Variants in ALMS1 observed in about 807,000 individuals in gnomAD.
ALMS1 encodes centrosome-associated protein ALMS1.
A neutral mutation model predicts 352.2 loss-of-function variants in ALMS1; 271 were observed. That is an observed-to-expected ratio of 0.77 (90% confidence interval 0.70 to 0.85). The LOEUF (loss-of-function observed/expected upper bound fraction) is 0.85, where lower values mean the gene tolerates loss of function less well. Among genes scored for constraint, ALMS1 ranks in the 40% least tolerant of loss-of-function variants. ALMS1 has a pLI of 0.00. For missense variants in ALMS1, 5,445 were observed against 4,870.7 expected (o/e 1.12, Z -3.51); for synonymous variants, 1,865 against 1,761.2 (o/e 1.06, Z -1.48).
intron 9 of ALMS1, among the ~76,000 whole-genome samples, chr2:73,479,467 A>G (rs1382232164): frequency 1.1e-4 from 16 of 152,234 alleles, no homozygotes. Flanking sequence ...ATAAATGATA[A>G]CATATAGTAT....
Position 73,483,644 on chromosome 2 carries a change from C to T in ALMS1, c.7675-5990C>T, listed in dbSNP as rs1462654458. ...GGGTATCCTTGTTGACTTTCTGTCT[C>T]GTTGATCTGTCTAATGTTGACAGTG... On this transcript the variant is annotated intron_variant, in intron 9 of 22. Coordinates refer to ENST00000613296, the MANE Select transcript of ALMS1 (RefSeq NM_001378454.1). 4.0e-5 allele frequency among the ~76,000 whole-genome samples: 6 copies of T among 151,388 alleles called. No individual in the cohort carries two copies. The East Asian group carries it at 7.7e-4, about 20-fold the overall frequency.
At chr2:73,570,608 T>C (rs539406427) in intron 15 of ALMS1, among the ~76,000 whole-genome samples, 2 of 152,098 alleles carry the variant, frequency 1.3e-5, no homozygotes, top group Non-Finnish European at 2.9e-5. Flanking sequence ...TTTCTAAACA[T>C]ACATACTAAA....
At chr2:73,488,777 G>C (rs768801025) in intron 9 of ALMS1, among the ~76,000 whole-genome samples, 16 of 152,284 alleles carry the variant, frequency 1.1e-4, no homozygotes, top group African/African-American at 3.9e-4. Flanking sequence ...TCATCAAATA[G>C]AATGCCAAGT....
intron 9 of ALMS1, among the ~76,000 whole-genome samples, chr2:73,464,540 C>G (rs572076002): frequency 1.1e-4 from 16 of 152,300 alleles, no homozygotes; most frequent in African/African-American, 3.8e-4. Context: ...AGGCACAAGA[C>G]AGGGGTGCCC....
At chr2:73,409,250 C>T (rs1004779976) in intron 2 of ALMS1, among the ~76,000 whole-genome samples, 5 of 151,686 alleles carry the variant, frequency 3.3e-5, no homozygotes, top group Admixed American at 6.6e-5. Context: ...TTTTTGAAGG[C>T]GGGTCTCAGG....
intron 9 of ALMS1, among the ~76,000 whole-genome samples, chr2:73,485,773 G>C (rs189151867): frequency 1.3e-5 from 2 of 152,284 alleles, no homozygotes; most frequent in East Asian, 1.9e-4. Context: ...GTATAATCTC[G>C]TGGTGCGCCG....
intron 9 of ALMS1, among the ~76,000 whole-genome samples, chr2:73,460,213 C>T (rs749644734): frequency 5.3e-5 from 8 of 152,164 alleles, no homozygotes; most frequent in Non-Finnish European, 1.0e-4. Flanking sequence ...CCAACTCTTT[C>T]AACCCACAAG....
intron 2 of ALMS1, among the ~76,000 whole-genome samples, chr2:73,412,577 G>A (rs1032954254): frequency 5.3e-5 from 8 of 152,226 alleles, no homozygotes; most frequent in East Asian, 1.9e-4. Flanking sequence ...ATCACTTGAG[G>A]TCAGGAGTTT....
chr2:73,535,064 A>G (rs2103992736), intron 12 of ALMS1, 115 bp downstream of exon 12: 1 of 1,289,388 alleles, frequency 7.8e-7, no homozygotes, highest in Non-Finnish European at 1.1e-6. Flanking sequence ...TGAAATATGG[A>G]ACTTTTCATA....
intron 1 of ALMS1, among the ~76,000 whole-genome samples, chr2:73,391,922 A>G (rs1163197843): frequency 6.6e-6 from 1 of 152,058 alleles, no homozygotes; most frequent in East Asian, 1.9e-4. Flanking sequence ...TGTAGTCTAT[A>G]TATGTTCTCC....
In ALMS1 at chr2:73,511,261, G is replaced by C. The variant is rs535149240; in HGVS notation, c.9540-8514G>C. ...AAAAGAAAACTCCTGCAACTATCTCGGTGTCTGCCCAAATGGCCGCTCAGT... is the reference window on the plus strand; with the variant it reads ...AAAAGAAAACTCCTGCAACTATCTCCGTGTCTGCCCAAATGGCCGCTCAGT... On this transcript the variant is annotated intron_variant, in intron 10 of 22. Transcript: ENST00000613296. Among the ~76,000 whole-genome samples the C allele has an allele frequency of 2.6e-5, 4 of 152,160 alleles. No individual in the cohort carries two copies. In the East Asian group the frequency reaches 7.8e-4, roughly 29 times the overall value.
At chr2:73,545,086 A>C (rs533785830) in intron 12 of ALMS1, among the ~76,000 whole-genome samples, 1 of 152,042 alleles carries the variant, frequency 6.6e-6, no homozygotes, top group African/African-American at 2.4e-5. Flanking sequence ...GAAGATGAGT[A>C]GGTTCTGGAG....
chr2:73,465,965 C>G (rs1672333151), intron 9 of ALMS1, among the ~76,000 whole-genome samples: 1 of 151,966 alleles, frequency 6.6e-6, no homozygotes, highest in Middle Eastern at 3.4e-3. Context: ...GAATGGCGAT[C>G]ATTAAAAAGT....
intron 1 of ALMS1, among the ~76,000 whole-genome samples, chr2:73,395,827 A>G (rs775846496): frequency 2.6e-5 from 4 of 152,166 alleles, no homozygotes; most frequent in Non-Finnish European, 4.4e-5. Context: ...AAAATATTCA[A>G]TAGGAGGGGT....
At chr2:73,481,308 T>C (rs1185606415) in intron 9 of ALMS1, among the ~76,000 whole-genome samples, 2 of 152,212 alleles carry the variant, frequency 1.3e-5, no homozygotes, top group Non-Finnish European at 1.5e-5. Context: ...TAGCCAGTTT[T>C]CCCAGCACCA....
At chr2:73,516,695 C>T (rs938170073) in intron 10 of ALMS1, among the ~76,000 whole-genome samples, 4 of 152,202 alleles carry the variant, frequency 2.6e-5, no homozygotes, top group African/African-American at 7.2e-5. Flanking sequence ...AGGGGAACAA[C>T]AGTCATGCAT....
chr2:73,539,740 G>A (rs1473551500), intron 12 of ALMS1, among the ~76,000 whole-genome samples: 1 of 152,216 alleles, frequency 6.6e-6, no homozygotes, highest in Non-Finnish European at 1.5e-5. Context: ...ACAAGCCTCA[G>A]TAGCCGATTT....
At chr2:73,426,840 G>A (rs1329889414) in intron 6 of ALMS1, among the ~76,000 whole-genome samples, 2 of 152,138 alleles carry the variant, frequency 1.3e-5, no homozygotes, top group South Asian at 2.1e-4. Context: ...TTTTCTGGGC[G>A]GGGAGGGAAT....
chr2:73,457,684 G>C (rs941141220), intron 9 of ALMS1, among the ~76,000 whole-genome samples: 16 of 151,910 alleles, frequency 1.1e-4, no homozygotes, highest in Non-Finnish European at 2.9e-5. Context: ...TATTTGATAA[G>C]TATTTTTATC....
Sources: gnomAD v4.1 joint callset for allele counts (sites outside exome capture counted in the v4.1 genomes callset) on GRCh38, gnomAD v4.1.1 for gene constraint, MANE v1.5 for transcripts, NCBI Gene and HGNC (gene_info 2026-07-23, HGNC 2026-07-21) for gene names.